SYNPO2: variants seen among roughly 807,000 people sequenced by gnomAD.
SYNPO2 encodes the protein synaptopodin-2.
A neutral mutation model predicts 85.0 loss-of-function variants in SYNPO2; 56 were observed. The observed-to-expected ratio is 0.66, with a 90% CI of 0.53 to 0.82. SYNPO2 has a LOEUF of 0.82. Ranked by LOEUF, SYNPO2 falls within the 40% of genes least tolerant of loss-of-function variation. SYNPO2 has a pLI of 0.00. For missense variants in SYNPO2, 1,575 were observed against 1,534.2 expected (o/e 1.03, Z -0.44); for synonymous variants, 602 against 591.1 (o/e 1.02, Z -0.27).
At chr4:118,965,796 G>A (rs1469547776) in intron 1 of SYNPO2, among the ~76,000 whole-genome samples, 2 of 152,080 alleles carry the variant, frequency 1.3e-5, no homozygotes, top group African/African-American at 2.4e-5. Context: ...TCAAAAAGTA[G>A]AGGGGGCTGG....
At chr4:119,010,407 AC>A (rs1737247835) in intron 1 of SYNPO2, among the ~76,000 whole-genome samples, 2 of 152,270 alleles carry the variant, frequency 1.3e-5, no homozygotes, top group African/African-American at 4.8e-5. Flanking sequence ...AAAAGCAGAA[AC>A]CCCTGACAAA....
At chr4:118,863,730 G>A (rs755268537) in intron 1 of SYNPO2, among the ~76,000 whole-genome samples, 1 of 151,838 alleles carries the variant, frequency 6.6e-6, no homozygotes, top group Non-Finnish European at 1.5e-5. Flanking sequence ...TCCTGCCTCA[G>A]TCTTCCCAGT....
intron 1 of SYNPO2, among the ~76,000 whole-genome samples, chr4:118,936,456 CT>C (rs1734106246): frequency 2.0e-5 from 3 of 152,050 alleles, no homozygotes. Context: ...TAAGATAATT[CT>C]TTTTATTTTC....
At chr4:118,863,827 G>A (rs1731658909) in intron 1 of SYNPO2, among the ~76,000 whole-genome samples, 1 of 152,118 alleles carries the variant, frequency 6.6e-6, no homozygotes, top group Non-Finnish European at 1.5e-5. Flanking sequence ...GACCAGGCTG[G>A]TCTCAAATTT....
chr4:119,031,723 A>T lies in SYNPO2; in HGVS notation c.2948A>T (p.Asp983Val). 6.2e-7 allele frequency: 1 copy of T among 1,614,200 alleles called. No homozygotes were observed. The highest frequency in any genetic ancestry group is 1.7e-5 in the Admixed American group (1 of 60,026). ...NASLFTFQPP[D>V]AKDGLPQKSS... ...TCCTTGTTTACTTTCCAACCTCCAG[A>T]TGCAAAGGATGGCCTCCCCCAGAAG... Residue 983 changes from aspartate to valine, a missense_variant, in exon 4 of 5, where the codon GAT becomes GTT. Around this residue, in one of 3 missense-constraint regions of SYNPO2, gnomAD observed 1,508 missense variants for 1,446.8 expected, o/e 1.04. Coordinates refer to ENST00000307142, the MANE Select transcript of SYNPO2 (RefSeq NM_133477.3).
chr4:118,949,764 A>ATAAAATAAAT (rs1179905858), intron 1 of SYNPO2, among the ~76,000 whole-genome samples: 6 of 152,032 alleles, frequency 3.9e-5, no homozygotes, highest in Non-Finnish European at 8.8e-5. Flanking sequence ...ATAAAATAAA[A>ATAAAATAAAT]TAAAATAAAA....
intron 1 of SYNPO2, among the ~76,000 whole-genome samples, chr4:118,881,554 C>T (rs1464828977): frequency 6.6e-6 from 1 of 152,120 alleles, no homozygotes; most frequent in Non-Finnish European, 1.5e-5. Flanking sequence ...TCTTATGCCC[C>T]GAGGGGGAGC....
intron 1 of SYNPO2, among the ~76,000 whole-genome samples, chr4:118,965,970 G>A (rs1735303548): frequency 6.6e-6 from 1 of 151,870 alleles, no homozygotes; most frequent in Non-Finnish European, 1.5e-5. Flanking sequence ...TGGGAGGATT[G>A]CTTGAGCCCA....
At chr4:118,964,165 T>TG (rs1191746924) in intron 1 of SYNPO2, among the ~76,000 whole-genome samples, 1 of 152,188 alleles carries the variant, frequency 6.6e-6, no homozygotes, top group Non-Finnish European at 1.5e-5. Flanking sequence ...AAATAAGAGA[T>TG]GTGGCTGTGT....
At chr4:118,920,165 G>C (rs1172422197) in intron 1 of SYNPO2, among the ~76,000 whole-genome samples, 1 of 152,142 alleles carries the variant, frequency 6.6e-6, no homozygotes, top group East Asian at 1.9e-4. Flanking sequence ...AGGAGAAAGA[G>C]GAATCTGGGA....
At chr4:118,965,669 C>A (rs556589034) in intron 1 of SYNPO2, among the ~76,000 whole-genome samples, 1 of 152,114 alleles carries the variant, frequency 6.6e-6, no homozygotes, top group African/African-American at 2.4e-5. Flanking sequence ...ACAATATTTA[C>A]TGGATGTCTG....
intron 1 of SYNPO2, among the ~76,000 whole-genome samples, chr4:118,929,333 C>G (rs1480341595): frequency 6.6e-6 from 1 of 152,024 alleles, no homozygotes; most frequent in Admixed American, 6.6e-5. Context: ...TGGAATGTTT[C>G]TAAGTTTGCA....
intron 1 of SYNPO2, among the ~76,000 whole-genome samples, chr4:118,949,484 A>G (rs961642069): frequency 2.0e-5 from 3 of 151,974 alleles, no homozygotes; most frequent in African/African-American, 4.8e-5. Flanking sequence ...GTTCACTCCT[A>G]TAATCCCAGC....
At chr4:119,039,959 C>T (rs182202292) in intron 4 of SYNPO2, among the ~76,000 whole-genome samples, 1 of 152,150 alleles carries the variant, frequency 6.6e-6, no homozygotes, top group East Asian at 1.9e-4. Flanking sequence ...GCGCTGCCTG[C>T]CTCTGAGTCC....
intron 1 of SYNPO2, among the ~76,000 whole-genome samples, chr4:118,977,045 G>A (rs989284794): frequency 2.0e-5 from 3 of 152,242 alleles, no homozygotes; most frequent in East Asian, 1.9e-4. Flanking sequence ...GGCGCCGTGC[G>A]CTCGCATTCC....
intron 1 of SYNPO2, among the ~76,000 whole-genome samples, chr4:119,022,135 C>T (rs1026538793): frequency 6.6e-6 from 1 of 152,138 alleles, no homozygotes; most frequent in African/African-American, 2.4e-5. Flanking sequence ...CCCTGGTGCC[C>T]CACTATACTG....
At chr4:118,914,145 G>A (rs1306402617) in intron 1 of SYNPO2, among the ~76,000 whole-genome samples, 3 of 152,100 alleles carry the variant, frequency 2.0e-5, no homozygotes, top group Admixed American at 2.0e-4. Flanking sequence ...ACAAAGGGAT[G>A]GATGTTGGAT....
chr4:118,880,523 T>A (rs1317335243), intron 1 of SYNPO2, among the ~76,000 whole-genome samples: 2 of 151,352 alleles, frequency 1.3e-5, no homozygotes, highest in Non-Finnish European at 3.0e-5. Context: ...GCTGAGGCAG[T>A]TGGATCACGA....
intron 1 of SYNPO2, among the ~76,000 whole-genome samples, chr4:119,009,348 T>G (rs1267980552): frequency 2.6e-5 from 4 of 152,108 alleles, no homozygotes; most frequent in Admixed American, 6.5e-5. Context: ...TTCAAAACAA[T>G]AAGAAGCATA....
Sources: allele counts gnomAD v4.1 joint callset (sites outside exome capture counted in the v4.1 genomes callset), GRCh38; gene constraint gnomAD v4.1.1; regional missense constraint gnomAD v4.1.1; transcripts MANE v1.5; gene names NCBI Gene and HGNC (gene_info 2026-07-23, HGNC 2026-07-21).